ADARB2: variants seen among roughly 807,000 people sequenced by gnomAD.
ADARB2 encodes adenosine deaminase RNA specific B2 (inactive).
A neutral mutation model predicts 62.2 loss-of-function variants in ADARB2; 25 were observed. The ratio of observed to expected loss-of-function variants is 0.40; its 90% CI spans 0.29 to 0.56. The LOEUF (loss-of-function observed/expected upper bound fraction) is 0.56. Ranked by LOEUF, ADARB2 falls within the 20% of genes least tolerant of loss-of-function variation. ADARB2 has a pLI of 0.43. For missense variants in ADARB2, 1,071 were observed against 1,077.4 expected, an observed-to-expected ratio of 0.99 and a Z score of 0.08; for synonymous variants, 572 against 500.8, an observed-to-expected ratio of 1.14 and a Z score of -1.90.
intron 1 of ADARB2, among the ~76,000 whole-genome samples, chr10:1,476,096 C>T (rs1203979730): frequency 1.3e-5 from 2 of 152,022 alleles, no homozygotes; most frequent in Non-Finnish European, 2.9e-5. Context: ...AGAGAAAGCT[C>T]TGCAGAAGTA....
intron 6 of ADARB2, among the ~76,000 whole-genome samples, chr10:1,232,540 GGTATGT>G (rs1281314283): frequency 1.3e-5 from 2 of 151,338 alleles, no homozygotes; most frequent in African/African-American, 4.9e-5. Flanking sequence ...TGGTATATGT[GGTATGT>G]GTGTGTGGTG....
At chr10:1,656,215 C>A (rs1176917422) in intron 1 of ADARB2, among the ~76,000 whole-genome samples, 1 of 152,154 alleles carries the variant, frequency 6.6e-6, no homozygotes, top group Non-Finnish European at 1.5e-5. Flanking sequence ...TCAATTAAAA[C>A]CCTGGAAAGT....
intron 1 of ADARB2, among the ~76,000 whole-genome samples, chr10:1,571,573 A>G (rs1832934411): frequency 6.6e-6 from 1 of 152,244 alleles, no homozygotes; most frequent in African/African-American, 2.4e-5. Context: ...CGTGGGTATC[A>G]GGACTCCCTC....
At chr10:1,186,680 T>C (rs2131734574) in intron 8 of ADARB2, 1 of 445,166 alleles carries the variant, frequency 2.2e-6, no homozygotes. Flanking sequence ...GAGATGGCGG[T>C]GCCTGCAGAG....
intron 8 of ADARB2, among the ~76,000 whole-genome samples, chr10:1,193,655 ACT>A (rs1470932453): frequency 4.0e-4 from 60 of 151,880 alleles, no homozygotes; most frequent in Non-Finnish European, 7.8e-4. Flanking sequence ...CCATAGTTAG[ACT>A]CTGTCAGTGT....
At chr10:1,729,381 G>C (rs75911813) in intron 1 of ADARB2, among the ~76,000 whole-genome samples, 1 of 152,132 alleles carries the variant, frequency 6.6e-6, no homozygotes, top group African/African-American at 2.4e-5. Context: ...AAGAGGGCAG[G>C]TACTTCCTTA....
chr10:1,412,797 A>G (rs1193576690), intron 1 of ADARB2, among the ~76,000 whole-genome samples: 2 of 152,180 alleles, frequency 1.3e-5, no homozygotes, highest in Admixed American at 1.3e-4. Context: ...TTGCTTCTCT[A>G]CGTCTCAATT....
chr10:1,389,427 T>G (rs1483138090), intron 1 of ADARB2, among the ~76,000 whole-genome samples: 1 of 152,112 alleles, frequency 6.6e-6, no homozygotes, highest in Non-Finnish European at 1.5e-5. Context: ...TCTTGCAACT[T>G]AATAATAAAG....
chr10:1,593,575 C>T (rs1833295331), intron 1 of ADARB2, among the ~76,000 whole-genome samples: 1 of 152,208 alleles, frequency 6.6e-6, no homozygotes, highest in Non-Finnish European at 1.5e-5. Context: ...CACTGTACAC[C>T]ATTTCTGCGA....
chr10:1,356,745 T>C (rs1453352084), intron 3 of ADARB2, among the ~76,000 whole-genome samples: 3 of 152,194 alleles, frequency 2.0e-5, no homozygotes, highest in African/African-American at 4.8e-5. Context: ...CCCTCCAGCC[T>C]TCTCAAGCAA....
intron 2 of ADARB2, among the ~76,000 whole-genome samples, chr10:1,371,300 G>C (rs1487763387): frequency 6.6e-6 from 1 of 152,146 alleles, no homozygotes; most frequent in African/African-American, 2.4e-5. Context: ...ATTCGACGAT[G>C]GATTAAAGAC....
At chr10:1,388,021 AC>A in intron 1 of ADARB2, among the ~76,000 whole-genome samples, 1 of 152,234 alleles carries the variant, frequency 6.6e-6, no homozygotes, top group South Asian at 2.1e-4. Context: ...TGCAGAAAAA[AC>A]ATTTGAGAAA....
chr10:1,600,067 A>T (rs1833390299), intron 1 of ADARB2, among the ~76,000 whole-genome samples: 1 of 152,070 alleles, frequency 6.6e-6, no homozygotes, highest in South Asian at 2.1e-4. Flanking sequence ...TGATGACAAC[A>T]ATTGCTTCTA....
In ADARB2 at chr10:1,183,462, C is replaced by T; in HGVS notation, c.2044-93G>A. The stretch of plus-strand genomic sequence containing the variant: ...TACATGCCAGGCATCAGCTCCTGGC[C>T]TTGGCCTTCTGCCTTTCTTTCTCCC... On this transcript the variant is annotated intron_variant, in intron 9 of 9. Coordinates refer to ENST00000381312, the MANE Select transcript of ADARB2 (RefSeq NM_018702.4). 11 of 1,456,984 alleles carry T rather than the reference C, an allele frequency of 7.5e-6. No individual in the cohort carries two copies. The South Asian group carries it at 1.3e-4, about 18-fold the overall frequency. The allele number at this position is 1,456,984 out of a possible 1,614,324, so 90.3% of individuals were successfully genotyped here.
chr10:1,214,817 G>A (rs1185448894), intron 7 of ADARB2, among the ~76,000 whole-genome samples: 2 of 152,346 alleles, frequency 1.3e-5, no homozygotes, highest in East Asian at 3.9e-4. Context: ...TGAGCTATTT[G>A]TCGACAATGG....
intron 8 of ADARB2, 76 bp from the exon 9 acceptor site, chr10:1,185,115 G>A (rs1836734641): frequency 1.3e-6 from 2 of 1,508,960 alleles, no homozygotes; most frequent in Admixed American, 1.9e-5. Flanking sequence ...CAGCTGCGGG[G>A]AAATGGAGCC....
chr10:1,674,684 C>T lies in ADARB2; in HGVS notation c.100+62367G>A, dbSNP rs537292324. Among the ~76,000 whole-genome samples the T allele has an allele frequency of 7.2e-5, 11 of 152,224 alleles. No individual in the cohort carries two copies. In the South Asian group the frequency reaches 1.5e-3, roughly 20 times the overall value. Reference sequence around the variant, plus strand: ...GTGTGATGCATCTCCTCTACCTGACCGGTCCCGGAGGTCACCTTCCACTCA... The same window carrying T: ...GTGTGATGCATCTCCTCTACCTGACTGGTCCCGGAGGTCACCTTCCACTCA... On this transcript the variant is annotated intron_variant, in intron 1 of 9. Coordinates refer to ENST00000381312, the MANE Select transcript of ADARB2 (RefSeq NM_018702.4).
intron 1 of ADARB2, among the ~76,000 whole-genome samples, chr10:1,734,838 T>C (rs532760868): frequency 1.4e-4 from 21 of 152,358 alleles, no homozygotes; most frequent in African/African-American, 5.1e-4. Flanking sequence ...TATTCATTTA[T>C]GGTTGTTAAG....
chr10:1,511,726 A>C (rs1831938816), intron 1 of ADARB2, among the ~76,000 whole-genome samples: 1 of 151,452 alleles, frequency 6.6e-6, no homozygotes, highest in African/African-American at 2.4e-5. Context: ...AGACTTTGAT[A>C]CTGTCTACAC....
Sources: gnomAD v4.1 joint callset for allele counts (sites outside exome capture counted in the v4.1 genomes callset) on GRCh38, gnomAD v4.1.1 for gene constraint, MANE v1.5 for transcripts, NCBI Gene and HGNC (gene_info 2026-07-23, HGNC 2026-07-21) for gene names.